Variants in ELAPOR1 observed in about 807,000 individuals in gnomAD.
ELAPOR1 encodes endosome/lysosome-associated apoptosis and autophagy regulator 1.
A neutral mutation model predicts 119.7 loss-of-function variants in ELAPOR1; 77 were observed. The ratio of observed to expected loss-of-function variants is 0.64; its 90% CI spans 0.54 to 0.78. The LOEUF (loss-of-function observed/expected upper bound fraction) is 0.78. Among genes scored for constraint, ELAPOR1 ranks in the 30% least tolerant of loss-of-function variants. ELAPOR1 has a pLI of 0.00. For missense variants in ELAPOR1, 1,115 were observed against 1,270.4 expected (o/e 0.88, Z 1.86); for synonymous variants, 481 against 487.2 (o/e 0.99, Z 0.17).
intron 1 of ELAPOR1, among the ~76,000 whole-genome samples, chr1:109,140,079 C>T (rs1412366494): frequency 2.0e-5 from 3 of 147,690 alleles, no homozygotes; most frequent in Admixed American, 2.0e-4. Flanking sequence ...TCATAACATT[C>T]TTATTTTGTA....
At chr1:109,195,616 C>T (rs1264040478) in intron 15 of ELAPOR1, among the ~76,000 whole-genome samples, 7 of 152,274 alleles carry the variant, frequency 4.6e-5, no homozygotes, top group African/African-American at 1.2e-4. Context: ...CTGCATTTGT[C>T]GCTTGTTTTC....
chr1:109,154,957 G>T (rs1650777399), intron 1 of ELAPOR1, among the ~76,000 whole-genome samples: 1 of 151,996 alleles, frequency 6.6e-6, no homozygotes. Flanking sequence ...GAGAAATGGG[G>T]GCAAGCAACA....
intron 21 of ELAPOR1, among the ~76,000 whole-genome samples, chr1:109,202,279 A>AT (rs1227159194): frequency 0.013 from 1,824 of 143,606 alleles, 44 homozygotes; most frequent in African/African-American, 0.041. Flanking sequence ...CACCTGGCTA[A>AT]TTTTTTTTTT....
At chr1:109,136,715 A>G (rs1042349566) in intron 1 of ELAPOR1, among the ~76,000 whole-genome samples, 1 of 152,240 alleles carries the variant, frequency 6.6e-6, no homozygotes, top group African/African-American at 2.4e-5. Flanking sequence ...CCTGAAAATA[A>G]CGAACTCCTG....
Position 109,176,205 on chromosome 1 carries a change from G to T in ELAPOR1, c.952+2368G>T, listed in dbSNP as rs180744287. Among the ~76,000 whole-genome samples, 9 of 152,242 alleles carry T rather than the reference G, an allele frequency of 5.9e-5. No homozygotes were observed. The East Asian group carries it at 1.7e-3, about 29-fold the overall frequency. ...ACGTGGTTATTTGAGGGAGTTCCAG[G>T]GGGTATCGAGGCTCTGATGTGGGAT... On this transcript the variant is annotated intron_variant, in intron 7 of 21. Coordinates refer to ENST00000369939, the MANE Select transcript of ELAPOR1 (RefSeq NM_020775.5).
At position 109,189,500 on chromosome 1, in the gene ELAPOR1, GGTGTCAAACCTCCCTTCCAGA is replaced by G. The variant is rs1653291906; in HGVS notation, c.1349-85_1349-65del. 4 of 1,161,380 alleles carry G rather than the reference GGTGTCAAACCTCCCTTCCAGA, an allele frequency of 3.4e-6. No individual in the cohort carries two copies. In the East Asian group the frequency reaches 9.5e-5, roughly 27 times the overall value. 71.9% of individuals were successfully genotyped at this position (1,161,380 alleles called of 1,614,324 possible). A position where few individuals can be genotyped will look rare whatever the true frequency, so the allele number is the denominator to read the frequency against. ...GGTGGTTCTGGGCGCCTCAAAAGAT[GGTGTCAAACCTCCCTTCCAGA>G]GTGTCATCTGGGTGCACATTTGCCT... On this transcript the variant is annotated intron_variant, in intron 10 of 21. Coordinates refer to ENST00000369939, the MANE Select transcript of ELAPOR1 (RefSeq NM_020775.5).
chr1:109,126,186 T>G (rs955364079), intron 1 of ELAPOR1, among the ~76,000 whole-genome samples: 4 of 152,196 alleles, frequency 2.6e-5, no homozygotes, highest in Non-Finnish European at 5.9e-5. Context: ...GAGCAGGCCT[T>G]TCTGAGGAGT....
chr1:109,196,870 A>G (rs945409034), intron 15 of ELAPOR1, among the ~76,000 whole-genome samples: 9 of 152,162 alleles, frequency 5.9e-5, no homozygotes, highest in Admixed American at 5.2e-4. Context: ...TTTAGTAAAG[A>G]CGGGGTTTCA....
intron 11 of ELAPOR1, among the ~76,000 whole-genome samples, chr1:109,190,452 A>G (rs1653361488): frequency 6.6e-6 from 1 of 152,218 alleles, no homozygotes; most frequent in African/African-American, 2.4e-5. Flanking sequence ...GGCCAAAGTG[A>G]ACTCTTCTGC....
intron 1 of ELAPOR1, among the ~76,000 whole-genome samples, chr1:109,144,586 C>T (rs1349628030): frequency 6.6e-6 from 1 of 151,876 alleles, no homozygotes; most frequent in Non-Finnish European, 1.5e-5. Context: ...ACTAAAAATA[C>T]AAAAAATTAG....
At chr1:109,137,973 T>C (rs1233076354) in intron 1 of ELAPOR1, among the ~76,000 whole-genome samples, 1 of 152,260 alleles carries the variant, frequency 6.6e-6, no homozygotes, top group Non-Finnish European at 1.5e-5. Context: ...AAGGTCAAGT[T>C]AGCTGAGGCC....
intron 18 of ELAPOR1, among the ~76,000 whole-genome samples, chr1:109,199,355 G>A (rs1413710576): frequency 3.3e-5 from 5 of 152,148 alleles, no homozygotes; most frequent in African/African-American, 1.2e-4. Context: ...AGCAAAGCAG[G>A]GCGTCTTGAC....
At chr1:109,141,560 A>G (rs560975566) in intron 1 of ELAPOR1, among the ~76,000 whole-genome samples, 1 of 152,136 alleles carries the variant, frequency 6.6e-6, no homozygotes, top group African/African-American at 2.4e-5. Context: ...CGCCCAGCCC[A>G]AAGTATTATT....
intron 7 of ELAPOR1, among the ~76,000 whole-genome samples, chr1:109,178,115 T>A (rs1652464472): frequency 6.6e-6 from 1 of 151,468 alleles, no homozygotes; most frequent in South Asian, 2.1e-4. Flanking sequence ...GTTCAAGTGA[T>A]TCTCCTGCCT....
chr1:109,143,717 T>G (rs1334556526), intron 1 of ELAPOR1, among the ~76,000 whole-genome samples: 1 of 152,114 alleles, frequency 6.6e-6, no homozygotes, highest in Non-Finnish European at 1.5e-5. Context: ...TCACCCAGGC[T>G]GGAGTGCAGT....
chr1:109,193,700 A>C (rs1488593654), intron 14 of ELAPOR1, among the ~76,000 whole-genome samples: 4 of 152,236 alleles, frequency 2.6e-5, no homozygotes, highest in Non-Finnish European at 5.9e-5. Context: ...CTACATGCAC[A>C]TACATCTGTA....
At chr1:109,147,558 A>G (rs926975813) in intron 1 of ELAPOR1, among the ~76,000 whole-genome samples, 1 of 151,972 alleles carries the variant, frequency 6.6e-6, no homozygotes, top group Admixed American at 6.6e-5. Flanking sequence ...CATTTGTCCA[A>G]ACTTATAGAA....
Position 109,173,464 on chromosome 1 carries a change from TG to T in ELAPOR1, c.697-8del. The T allele has an allele frequency of 6.2e-7, 1 of 1,610,212 alleles. No homozygotes were observed. Among genetic ancestry groups the T allele is most frequent in the Non-Finnish European group, 8.5e-7 (1 of 1,176,962 alleles). On this transcript the variant is annotated splice_polypyrimidine_tract_variant and intron_variant, in intron 5 of 21. Coordinates refer to ENST00000369939, the MANE Select transcript of ELAPOR1 (RefSeq NM_020775.5). ...TGTGATGAATGAATGCTCCTGTTTG[TG>T]GTTTTTAGGTGGAGCTAAATCGAGG... is the stretch of plus-strand genomic sequence containing the variant.
intron 1 of ELAPOR1, among the ~76,000 whole-genome samples, chr1:109,140,870 G>A (rs1373434424): frequency 1.3e-5 from 2 of 151,862 alleles, no homozygotes; most frequent in African/African-American, 4.8e-5. Flanking sequence ...ATTTTTTTCT[G>A]AGACAGAGTC....
Sources: gnomAD v4.1 joint callset for allele counts (sites outside exome capture counted in the v4.1 genomes callset) on GRCh38, gnomAD v4.1.1 for gene constraint, MANE v1.5 for transcripts, NCBI Gene and HGNC (gene_info 2026-07-23, HGNC 2026-07-21) for gene names.